The following LRP1B variants were observed in gnomAD, a reference collection of about 807,000 sequenced individuals.
LRP1B encodes LDL receptor related protein 1B.
Under a neutral mutation model 556.6 loss-of-function variants are expected in LRP1B, and 217 were observed. The ratio of observed to expected loss-of-function variants is 0.39; its 90% CI spans 0.35 to 0.44. The LOEUF (loss-of-function observed/expected upper bound fraction) is 0.44, where lower values mean the gene tolerates loss of function less well. Among genes scored for constraint, LRP1B ranks in the 20% least tolerant of loss-of-function variants. LRP1B has a pLI of 1.00. For missense variants in LRP1B, 5,053 were observed against 5,620.8 expected (o/e 0.90, Z 3.23); for synonymous variants, 2,047 against 1,865.8 (o/e 1.10, Z -2.50).
chr2:140,325,001 A>G (rs184486118), intron 80 of LRP1B, among the ~76,000 whole-genome samples: 75 of 152,200 alleles, frequency 4.9e-4, no homozygotes, highest in African/African-American at 1.8e-3. Flanking sequence ...AAAGGGAAGC[A>G]AAGCTATATT....
intron 18 of LRP1B, among the ~76,000 whole-genome samples, chr2:140,977,560 T>C (rs947187390): frequency 1.3e-5 from 2 of 151,628 alleles, no homozygotes; most frequent in Non-Finnish European, 2.9e-5. Context: ...TCAGCATTAA[T>C]TGAGAATTTC....
Position 141,307,661 on chromosome 2 carries a change from G to A in LRP1B, c.344-53020C>T, listed in dbSNP as rs557479783. On this transcript the variant is annotated intron_variant, in intron 3 of 90. Coordinates refer to ENST00000389484, the MANE Select transcript of LRP1B (RefSeq NM_018557.3). ...GGAGGCTGTTGTGAAGTTTTTCTGG[G>A]GTAGGAATGCATGCCAGGTGGGTCA... Among the ~76,000 whole-genome samples, 77 of 152,226 alleles carry A rather than the reference G, an allele frequency of 5.1e-4. 1 individual carries two copies. The highest frequency in any genetic ancestry group is 1.8e-3 in the African/African-American group (74 of 41,544).
chr2:140,392,628 C>T (rs1684071305), intron 66 of LRP1B, among the ~76,000 whole-genome samples: 1 of 152,032 alleles, frequency 6.6e-6, no homozygotes, highest in African/African-American at 2.4e-5. Flanking sequence ...GCTGGGACTA[C>T]AGGCATGTGC....
At chr2:140,275,248 A>G (rs192653131) in intron 84 of LRP1B, among the ~76,000 whole-genome samples, 1 of 152,144 alleles carries the variant, frequency 6.6e-6, no homozygotes, top group East Asian at 1.9e-4. Flanking sequence ...TAAGCAGTCT[A>G]CCTGCTCTTG....
intron 2 of LRP1B, among the ~76,000 whole-genome samples, chr2:141,584,659 T>G (rs1256699205): frequency 2.0e-5 from 3 of 152,162 alleles, no homozygotes; most frequent in Non-Finnish European, 2.9e-5. Flanking sequence ...CACACACAAC[T>G]ATCATGAAGT....
At chr2:140,963,443 TTATATATA>T (rs140209072) in intron 18 of LRP1B, among the ~76,000 whole-genome samples, 24,377 of 145,590 alleles carry the variant, frequency 0.17, 2,083 homozygotes, top group East Asian at 0.23. Flanking sequence ...ACATGCATAT[TTATATATA>T]TATATATATT....
chr2:140,991,471 A>G (rs913409860), intron 16 of LRP1B, among the ~76,000 whole-genome samples: 1 of 152,128 alleles, frequency 6.6e-6, no homozygotes. Context: ...AGGGAAGATG[A>G]CATAGTGCTG....
Position 140,370,914 on chromosome 2 carries a change from C to A in LRP1B, c.10876-72G>T, listed in dbSNP as rs950557639. The A allele has an allele frequency of 4.0e-6, 6 of 1,504,414 alleles. No homozygotes were observed. In the African/African-American group the frequency reaches 4.1e-5, roughly 10 times the overall value. The allele number at this position is 1,504,414 out of a possible 1,614,324, so 93.2% of individuals were successfully genotyped here. A position where few individuals can be genotyped will look rare whatever the true frequency, so the allele number is the denominator to read the frequency against. ...TACAATCATGGGCAAAATAAACATG[C>A]AGCTTGTAATACTAGAGCTTTATTA... On this transcript the variant is annotated intron_variant, in intron 70 of 90. Transcript: ENST00000389484.
intron 2 of LRP1B, among the ~76,000 whole-genome samples, chr2:141,484,154 G>A (rs1683028452): frequency 6.7e-6 from 1 of 148,212 alleles, no homozygotes; most frequent in Admixed American, 6.8e-5. Flanking sequence ...GTGTAAGTAA[G>A]GGATCCAGTT....
chr2:140,338,652 A>G (rs1219210245), intron 77 of LRP1B, among the ~76,000 whole-genome samples: 1 of 151,866 alleles, frequency 6.6e-6, no homozygotes, highest in East Asian at 1.9e-4. Flanking sequence ...TTGGATCTTC[A>G]TATTATGATC....
Position 141,213,117 on chromosome 2 carries a change from A to ATTTTTT in LRP1B, c.850+16060_850+16065dup, listed in dbSNP as rs551951254. Among the ~76,000 whole-genome samples the ATTTTTT allele has an allele frequency of 4.7e-3, 656 of 140,298 alleles. 7 individuals are homozygous for ATTTTTT. Among genetic ancestry groups the ATTTTTT allele is most frequent in the African/African-American group, 0.016 (614 of 37,936 alleles). 92.0% of individuals were successfully genotyped at this position (140,298 alleles called of 152,430 possible). The stretch of plus-strand genomic sequence containing the variant: ...GAGCACCATCATCCTCAGCTAATTA[A>ATTTTTT]TTTTTTTTTTTTTTTGTAAAGATGA... On this transcript the variant is annotated intron_variant, in intron 6 of 90. Coordinates refer to ENST00000389484, the MANE Select transcript of LRP1B (RefSeq NM_018557.3).
chr2:141,465,303 G>C (rs1288183110), intron 3 of LRP1B, among the ~76,000 whole-genome samples: 1 of 152,016 alleles, frequency 6.6e-6, no homozygotes, highest in African/African-American at 2.4e-5. Flanking sequence ...GCAGTGGCTA[G>C]GGAGTGTGAG....
At chr2:141,687,379 C>T (rs922273559) in intron 2 of LRP1B, among the ~76,000 whole-genome samples, 2 of 151,900 alleles carry the variant, frequency 1.3e-5, no homozygotes, top group Non-Finnish European at 2.9e-5. Context: ...GCCAAATATT[C>T]TGACTTTAAA....
At chr2:140,266,145 T>C (rs1381077689) in intron 86 of LRP1B, among the ~76,000 whole-genome samples, 1 of 152,044 alleles carries the variant, frequency 6.6e-6, no homozygotes, top group African/African-American at 2.4e-5. Context: ...ACTGTTTTTT[T>C]TTGTTTAATT....
chr2:140,231,515 T>C lies in LRP1B; in HGVS notation c.*1671A>G, dbSNP rs1680468560. ...TGTAGAAACATAGGCAAAATGACTATATTATAACCAAAATGAAAAATACTG... is the reference window on the plus strand; with the variant it reads ...TGTAGAAACATAGGCAAAATGACTACATTATAACCAAAATGAAAAATACTG... On this transcript the variant is annotated 3_prime_UTR_variant, in exon 91 of 91. Coordinates refer to ENST00000389484, the MANE Select transcript of LRP1B (RefSeq NM_018557.3). 1 of 151,836 alleles carries C rather than the reference T, an allele frequency of 6.6e-6. No individual in the cohort carries two copies. The highest frequency in any genetic ancestry group is 2.4e-5 in the African/African-American group (1 of 41,352). The allele number at this position is 151,836 out of a possible 1,614,324, so 9.4% of individuals were successfully genotyped here.
intron 3 of LRP1B, among the ~76,000 whole-genome samples, chr2:141,397,898 A>G (rs932143764): frequency 1.3e-5 from 2 of 149,452 alleles, no homozygotes; most frequent in Non-Finnish European, 3.0e-5. Flanking sequence ...GCCTCTCTAT[A>G]TATACACACA....
chr2:141,200,295 T>A (rs1310872218), intron 6 of LRP1B, among the ~76,000 whole-genome samples: 2 of 151,952 alleles, frequency 1.3e-5, no homozygotes, highest in African/African-American at 4.8e-5. Flanking sequence ...GTAACATGAA[T>A]GGAGCTGGAG....
chr2:141,464,129 C>G (rs938868053), intron 3 of LRP1B, among the ~76,000 whole-genome samples: 2 of 152,026 alleles, frequency 1.3e-5, no homozygotes, highest in South Asian at 4.1e-4. Context: ...CATCATTAGC[C>G]TCATCCCAAG....
intron 6 of LRP1B, among the ~76,000 whole-genome samples, chr2:141,223,352 G>A (rs2105280829): frequency 6.6e-6 from 1 of 152,110 alleles, no homozygotes. Context: ...CCTCTTCAAG[G>A]AGAATTGCAA....
Sources: allele counts gnomAD v4.1 joint callset (sites outside exome capture counted in the v4.1 genomes callset), GRCh38; gene constraint gnomAD v4.1.1; transcripts MANE v1.5; gene names NCBI Gene and HGNC (gene_info 2026-07-23, HGNC 2026-07-21).